Variants in TSC22D1 observed in about 807,000 individuals in gnomAD.
The protein encoded by TSC22D1 is TSC22 domain family member 1, also known as TSC22 domain family protein 1.
A neutral mutation model predicts 74.2 loss-of-function variants in TSC22D1; 9 were observed. The ratio of observed to expected loss-of-function variants is 0.12; its 90% CI spans 0.07 to 0.21. TSC22D1 has a LOEUF of 0.21. Among genes scored for constraint, TSC22D1 ranks in the 10% least tolerant of loss-of-function variants. The pLI is 1.00. For missense variants in TSC22D1, 1,427 were observed against 1,304.7 expected, an observed-to-expected ratio of 1.09 and a Z score of -1.44; for synonymous variants, 586 against 492.5, an observed-to-expected ratio of 1.19 and a Z score of -2.51.
intron 1 of TSC22D1, chr13:44,436,407 A>G: frequency 1.4e-6 from 2 of 1,416,750 alleles, no homozygotes; most frequent in Non-Finnish European, 1.9e-6. Context: ...ATAATCTCTC[A>G]GCAATGGACA....
chr13:44,555,655 G>C (rs1308136572), intron 1 of TSC22D1, among the ~76,000 whole-genome samples: 4 of 151,740 alleles, frequency 2.6e-5, no homozygotes, highest in Admixed American at 2.0e-4. Context: ...AGCCATCCTT[G>C]TCTTCAAGCA....
intron 1 of TSC22D1, among the ~76,000 whole-genome samples, chr13:44,513,822 C>T (rs1374644910): frequency 1.3e-5 from 2 of 152,116 alleles, no homozygotes; most frequent in Non-Finnish European, 2.9e-5. Context: ...TTAAGGCCTT[C>T]GGGAAAAGAG....
chr13:44,557,237 C>T (rs552772240), intron 1 of TSC22D1, among the ~76,000 whole-genome samples: 51 of 151,802 alleles, frequency 3.4e-4, no homozygotes, highest in African/African-American at 1.2e-3. Context: ...CCAAGGTGGG[C>T]GGATCACAAG....
chr13:44,482,428 C>T (rs1477880335), intron 1 of TSC22D1, among the ~76,000 whole-genome samples: 1 of 152,118 alleles, frequency 6.6e-6, no homozygotes, highest in South Asian at 2.1e-4. Context: ...AATCCCAGTA[C>T]CTCAGGAAGC....
Position 44,433,886 on chromosome 13 carries a change from A to G in TSC22D1, c.*740T>C. The G allele has an allele frequency of 8.2e-7, 1 of 1,220,774 alleles. No individual in the cohort carries two copies. Among genetic ancestry groups the G allele is most frequent in the South Asian group, 1.5e-5 (1 of 65,446 alleles). The allele number at this position is 1,220,774 out of a possible 1,614,324, so 75.6% of individuals were successfully genotyped here. A position where few individuals can be genotyped will look rare whatever the true frequency, so the allele number is the denominator to read the frequency against. On this transcript the variant is annotated 3_prime_UTR_variant, in exon 3 of 3. Coordinates refer to ENST00000458659, the MANE Select transcript of TSC22D1 (RefSeq NM_183422.4). ...TATATAAAAGTCCACACCTCCTCAGACAGCCAATGAAACAACTAAATTTCA... is the reference window on the plus strand; with the variant it reads ...TATATAAAAGTCCACACCTCCTCAGGCAGCCAATGAAACAACTAAATTTCA...
chr13:44,551,174 A>T (rs1488448254), intron 1 of TSC22D1, among the ~76,000 whole-genome samples: 2 of 151,922 alleles, frequency 1.3e-5, no homozygotes, highest in Non-Finnish European at 2.9e-5. Context: ...AGGGAAACTG[A>T]GGTGGGAGAA....
intron 1 of TSC22D1, among the ~76,000 whole-genome samples, chr13:44,541,277 A>C (rs1457280940): frequency 6.6e-6 from 1 of 152,208 alleles, no homozygotes; most frequent in Admixed American, 6.5e-5. Flanking sequence ...TTATTCCATT[A>C]CCTAACAACA....
chr13:44,477,933 G>A (rs975234763), intron 1 of TSC22D1, among the ~76,000 whole-genome samples: 1 of 152,038 alleles, frequency 6.6e-6, no homozygotes, highest in Admixed American at 6.6e-5. Flanking sequence ...GAGCCACTGC[G>A]CCCAGCCTGC....
intron 1 of TSC22D1, among the ~76,000 whole-genome samples, chr13:44,524,332 C>T (rs1004510796): frequency 2.0e-5 from 3 of 151,496 alleles, no homozygotes; most frequent in Non-Finnish European, 4.4e-5. Flanking sequence ...ATCAGAGAAC[C>T]GAGATCACAG....
At chr13:44,534,621 T>C (rs557918866) in intron 1 of TSC22D1, among the ~76,000 whole-genome samples, 10 of 152,272 alleles carry the variant, frequency 6.6e-5, no homozygotes, top group Middle Eastern at 3.4e-3. Flanking sequence ...TAGAGAATAA[T>C]AGTATATCAC....
chr13:44,551,488 T>C (rs961966348), intron 1 of TSC22D1, among the ~76,000 whole-genome samples: 3 of 151,660 alleles, frequency 2.0e-5, no homozygotes, highest in Non-Finnish European at 4.4e-5. Context: ...TGGCACAATC[T>C]TAGCTCACTG....
At chr13:44,565,871 T>G (rs1253202454) in intron 1 of TSC22D1, among the ~76,000 whole-genome samples, 1 of 152,164 alleles carries the variant, frequency 6.6e-6, no homozygotes, top group Non-Finnish European at 1.5e-5. Flanking sequence ...GAAATAAAAT[T>G]TACATGTTTT....
At position 44,434,226 on chromosome 13, in the gene TSC22D1, T is replaced by G; in HGVS notation, c.*400A>C. ...GAGGAGAGGAGAGAGGCGAGTCCAG[T>G]GAGGAGCTCCATCGCTTCACAACCC... On this transcript the variant is annotated 3_prime_UTR_variant, in exon 3 of 3. Transcript: ENST00000458659. The G allele has an allele frequency of 7.0e-7, 1 of 1,425,266 alleles. No homozygotes were observed. The highest frequency in any genetic ancestry group is 9.1e-7 in the Non-Finnish European group (1 of 1,103,878). 88.3% of individuals were successfully genotyped at this position (1,425,266 alleles called of 1,614,324 possible).
Position 44,434,215 on chromosome 13 carries a change from G to A in TSC22D1, c.*411C>T. ...CCTCCTGGGGGGAGGAGAGGAGAGA[G>A]GCGAGTCCAGTGAGGAGCTCCATCG... On this transcript the variant is annotated 3_prime_UTR_variant, in exon 3 of 3. Coordinates refer to ENST00000458659, the MANE Select transcript of TSC22D1 (RefSeq NM_183422.4). 1 of 1,438,574 alleles carries A rather than the reference G, an allele frequency of 7.0e-7. No individual in the cohort carries two copies. The highest frequency in any genetic ancestry group is 9.0e-7 in the Non-Finnish European group (1 of 1,110,468). 89.1% of individuals were successfully genotyped at this position (1,438,574 alleles called of 1,614,324 possible).
chr13:44,569,181 A>G (rs1234787753), intron 1 of TSC22D1, among the ~76,000 whole-genome samples: 1 of 152,240 alleles, frequency 6.6e-6, no homozygotes, highest in Non-Finnish European at 1.5e-5. Flanking sequence ...TACTATTGTC[A>G]TCATTTTTTT....
At chr13:44,451,367 C>T (rs1876118578) in intron 1 of TSC22D1, 2 of 152,238 alleles carry the variant, frequency 1.3e-5, no homozygotes, top group African/African-American at 2.4e-5. Flanking sequence ...CCAAAAACAG[C>T]CTCCACTCCA....
chr13:44,491,111 G>A (rs542659121), intron 1 of TSC22D1, among the ~76,000 whole-genome samples: 10 of 152,148 alleles, frequency 6.6e-5, no homozygotes, highest in Admixed American at 6.5e-4. Flanking sequence ...AGGTTGCAGT[G>A]AGCCAAGATG....
chr13:44,469,372 G>A (rs766330211), intron 1 of TSC22D1, among the ~76,000 whole-genome samples: 14 of 152,236 alleles, frequency 9.2e-5, no homozygotes, highest in African/African-American at 2.6e-4. Context: ...CTTTAAATCC[G>A]TTTTAATAAA....
intron 1 of TSC22D1, chr13:44,536,962 A>C: frequency 1.0e-6 from 1 of 974,222 alleles, no homozygotes; most frequent in African/African-American, 1.8e-5. Flanking sequence ...AAAAAAAACA[A>C]AAAAAACTAA....
Sources: allele counts gnomAD v4.1 joint callset (sites outside exome capture counted in the v4.1 genomes callset), GRCh38; gene constraint gnomAD v4.1.1; transcripts MANE v1.5; gene names NCBI Gene and HGNC (gene_info 2026-07-23, HGNC 2026-07-21).